Variants in DENND4C observed in about 807,000 individuals in gnomAD.
DENND4C encodes DENN domain-containing protein 4C.
In DENND4C, 108 loss-of-function variants were observed where a neutral mutation model predicts 203.0. That is an observed-to-expected ratio of 0.53 (90% CI 0.46 to 0.62). The LOEUF (loss-of-function observed/expected upper bound fraction) is 0.62, where lower values mean the gene tolerates loss of function less well. DENND4C is among the 20% of genes least tolerant of loss of function. The pLI is 0.00. For missense variants in DENND4C, 2,481 were observed against 2,301.2 expected, an observed-to-expected ratio of 1.08 and a Z score of -1.60; for synonymous variants, 871 against 792.4, an observed-to-expected ratio of 1.10 and a Z score of -1.67.
At chr9:19,292,470 G>A (rs1373166456) in intron 5 of DENND4C, 1 of 151,028 alleles carries the variant, frequency 6.6e-6, no homozygotes, top group African/African-American at 2.4e-5. Flanking sequence ...TTATAAAGAA[G>A]AGAAGGCAAA....
At chr9:19,275,366 C>T (rs1313036015) in intron 1 of DENND4C, among the ~76,000 whole-genome samples, 1 of 147,422 alleles carries the variant, frequency 6.8e-6, no homozygotes, top group East Asian at 2.0e-4. Flanking sequence ...AATTTGGGCT[C>T]ACTGAAACCT....
chr9:19,271,057 C>T (rs7871283), intron 1 of DENND4C, among the ~76,000 whole-genome samples: 39,481 of 151,846 alleles, frequency 0.26, 5,249 homozygotes, highest in East Asian at 0.44. Context: ...TCAGAAACAT[C>T]GCTGAAAAAA....
chr9:19,242,510 C>T (rs1418034347), intron 1 of DENND4C, among the ~76,000 whole-genome samples: 1 of 152,168 alleles, frequency 6.6e-6, no homozygotes, highest in East Asian at 1.9e-4. Context: ...AACTGCCTTC[C>T]AAAAGGGCTG....
intron 20 of DENND4C, 26 bp downstream of exon 20, chr9:19,336,858 C>G: frequency 1.3e-6 from 2 of 1,536,270 alleles, no homozygotes; most frequent in South Asian, 2.4e-5. Context: ...TTTTACTAAC[C>G]CTTCACTTAC....
chr9:19,259,796 C>T (rs185702331), intron 1 of DENND4C, among the ~76,000 whole-genome samples: 506 of 152,264 alleles, frequency 3.3e-3, no homozygotes, highest in Middle Eastern at 6.8e-3. Context: ...TCAGCCACCA[C>T]GCCTGGCTCG....
At chr9:19,250,991 G>A (rs573661530) in intron 1 of DENND4C, among the ~76,000 whole-genome samples, 2 of 152,324 alleles carry the variant, frequency 1.3e-5, no homozygotes, top group South Asian at 4.1e-4. Flanking sequence ...ATGGAGGACG[G>A]TGACCACCTT....
At chr9:19,271,499 G>T (rs565432821) in intron 1 of DENND4C, among the ~76,000 whole-genome samples, 116 of 152,232 alleles carry the variant, frequency 7.6e-4, no homozygotes, top group African/African-American at 2.7e-3. Context: ...ACCGCCTCTG[G>T]CCAGTAAGTG....
At position 19,336,849 on chromosome 9, in the gene DENND4C, T is replaced by A. The variant is rs1181064877; in HGVS notation, c.2881+17T>A. 8 of 1,543,452 alleles carry A rather than the reference T, an allele frequency of 5.2e-6. No homozygotes were observed. Among genetic ancestry groups the A allele is most frequent in the Non-Finnish European group, 6.1e-6 (7 of 1,143,782 alleles). On this transcript the variant is annotated intron_variant, in intron 20 of 32. Coordinates refer to ENST00000434457, the MANE Select transcript of DENND4C (RefSeq NM_001330640.2). Reference sequence around the variant, plus strand: ...CTAGCACAGGTACTAAAATCCAGATTTTACTAACCCTTCACTTACTCTCAT... The same window carrying A: ...CTAGCACAGGTACTAAAATCCAGATATTACTAACCCTTCACTTACTCTCAT...
Position 19,369,699 on chromosome 9 carries a change from G to A in DENND4C, c.5525-138G>A, listed in dbSNP as rs568341076. ...GGAGGATCACTTGAGCCTGGGAGAC[G>A]AAGGTTGCAGTGAGCCATGATCACA... On this transcript the variant is annotated intron_variant, in intron 30 of 32. Transcript: ENST00000434457. The A allele has an allele frequency of 2.0e-3, 823 of 404,918 alleles. 4 individuals carry two copies. The highest frequency in any genetic ancestry group is 0.019 in the Middle Eastern group (22 of 1,172). 25.1% of individuals were successfully genotyped at this position (404,918 alleles called of 1,614,324 possible). A position where few individuals can be genotyped will look rare whatever the true frequency, so the allele number is the denominator to read the frequency against.
intron 26 of DENND4C, among the ~76,000 whole-genome samples, chr9:19,356,089 G>GTT (rs932276939): frequency 6.6e-6 from 1 of 151,418 alleles, no homozygotes; most frequent in African/African-American, 2.4e-5. Context: ...AATTTTAAAG[G>GTT]TTTTTTTTCA....
In DENND4C at chr9:19,318,044, C is replaced by A. The variant is rs1003622385; in HGVS notation, c.1807+1205C>A. Among the ~76,000 whole-genome samples, 22 of 152,316 alleles carry A rather than the reference C, an allele frequency of 1.4e-4. No homozygotes were observed. The South Asian group carries it at 3.9e-3, about 27-fold the overall frequency. On this transcript the variant is annotated intron_variant, in intron 12 of 32. Coordinates refer to ENST00000434457, the MANE Select transcript of DENND4C (RefSeq NM_001330640.2). ...GCTTATTAAAGTTTTCTCTAATGGG[C>A]GCAGTGGCTCACGCCTGTAATCCCA...
intron 26 of DENND4C, among the ~76,000 whole-genome samples, chr9:19,352,957 G>T (rs1824490350): frequency 6.6e-6 from 1 of 151,020 alleles, no homozygotes; most frequent in East Asian, 2.0e-4. Context: ...AACATGGCAA[G>T]ACCCTGTCTC....
chr9:19,276,532 G>A, intron 2 of DENND4C, 53 bp downstream of exon 2: 2 of 1,066,450 alleles, frequency 1.9e-6, no homozygotes, highest in Non-Finnish European at 2.4e-6. Flanking sequence ...TTATTTAAGG[G>A]CCATGGAAGT....
Position 19,316,533 on chromosome 9 carries a change from A to G in DENND4C, c.1588+16A>G. 6.2e-7 allele frequency: 1 copy of G among 1,605,940 alleles called. No individual in the cohort carries two copies. Among genetic ancestry groups the G allele is most frequent in the Non-Finnish European group, 8.5e-7 (1 of 1,174,690 alleles). ...CTGTCTTCAGGTAATGTGAGGGAAA[A>G]GGAATATTATTAATGAAGGAATGTA... is the stretch of plus-strand genomic sequence containing the variant. On this transcript the variant is annotated intron_variant, in intron 11 of 32. Transcript: ENST00000434457.
chr9:19,311,280 T>C (rs2131468126), intron 10 of DENND4C, among the ~76,000 whole-genome samples: 1 of 152,190 alleles, frequency 6.6e-6, no homozygotes, highest in South Asian at 2.1e-4. Flanking sequence ...TGCACCATCA[T>C]GCCTGGCTAA....
At chr9:19,233,799 G>A (rs1301696224) in intron 1 of DENND4C, among the ~76,000 whole-genome samples, 1 of 152,104 alleles carries the variant, frequency 6.6e-6, no homozygotes, top group Admixed American at 6.5e-5. Context: ...CACTATGTTG[G>A]CCAGGTGGCC....
At position 19,373,330 on chromosome 9, in the gene DENND4C, A is replaced by C. The variant is rs1829150815; in HGVS notation, c.*1157A>C. The C allele has an allele frequency of 6.6e-6, 1 of 152,608 alleles. No individual in the cohort carries two copies. Among genetic ancestry groups the C allele is most frequent in the South Asian group, 2.1e-4 (1 of 4,836 alleles). 9.5% of individuals were successfully genotyped at this position (152,608 alleles called of 1,614,324 possible). ...ATCAATCATCAGATAGTTAAAATGA[A>C]ATTAAATCAGCTGCCTAATAATTTA... On this transcript the variant is annotated 3_prime_UTR_variant, in exon 33 of 33. Coordinates refer to ENST00000434457, the MANE Select transcript of DENND4C (RefSeq NM_001330640.2).
chr9:19,244,202 T>A (rs1407950595), intron 1 of DENND4C, among the ~76,000 whole-genome samples: 1 of 152,122 alleles, frequency 6.6e-6, no homozygotes, highest in Non-Finnish European at 1.5e-5. Context: ...GGCTAAATTT[T>A]GTATTTTGAG....
intron 30 of DENND4C, among the ~76,000 whole-genome samples, chr9:19,363,166 A>G (rs1054185630): frequency 3.9e-5 from 6 of 152,188 alleles, no homozygotes; most frequent in East Asian, 1.9e-4. Flanking sequence ...GTGCATGCAC[A>G]TGCACACATT....
Sources: gnomAD v4.1 joint callset for allele counts (sites outside exome capture counted in the v4.1 genomes callset) on GRCh38, gnomAD v4.1.1 for gene constraint, MANE v1.5 for transcripts, NCBI Gene and HGNC (gene_info 2026-07-23, HGNC 2026-07-21) for gene names.